Variants in GSE1 observed in about 807,000 individuals in gnomAD.
GSE1 encodes genetic suppressor element 1.
GSE1 carries 32 observed loss-of-function variants against 112.6 expected under a neutral mutation model. The observed-to-expected ratio is 0.28, with a 90% CI of 0.21 to 0.38. The LOEUF is 0.38. Among genes scored for constraint, GSE1 ranks in the 10% least tolerant of loss-of-function variants. GSE1 has a pLI of 1.00. For synonymous variants in GSE1, 1,115 were observed against 735.6 expected (o/e 1.52, Z -8.35); for missense variants, 2,348 against 1,699.2 (o/e 1.38, Z -6.71).
At position 85,331,394 on chromosome 16, in the gene GSE1, T is replaced by C. The variant is rs150341155; in HGVS notation, c.2284-26069T>C. On this transcript the variant is annotated intron_variant, in intron 1 of 2. Coordinates refer to the GSE1 transcript ENST00000637419. ...ATATGTATATATATGTATATATATG[T>C]GTATATATGTATATATATGCGTATA... is the stretch of plus-strand genomic sequence containing the variant. 4.1e-3 allele frequency among the ~76,000 whole-genome samples: 396 copies of C among 95,642 alleles called. 22 individuals are homozygous for C. The highest frequency in any genetic ancestry group is 7.4e-3 in the Non-Finnish European group (299 of 40,290). 62.7% of individuals were successfully genotyped at this position (95,642 alleles called of 152,430 possible).
intron 2 of GSE1, among the ~76,000 whole-genome samples, chr16:85,418,989 G>C (rs780290957): frequency 2.0e-5 from 3 of 152,160 alleles, no homozygotes; most frequent in Non-Finnish European, 4.4e-5. Context: ...AGGCGCTGGA[G>C]CTCCGTCCTG....
intron 7 of GSE1, among the ~76,000 whole-genome samples, chr16:85,656,937 C>T (rs1008836553): frequency 2.0e-5 from 3 of 152,234 alleles, no homozygotes; most frequent in Non-Finnish European, 4.4e-5. Context: ...GATTTTATTT[C>T]TCTGTAAGTT....
intron 2 of GSE1, among the ~76,000 whole-genome samples, chr16:85,541,378 G>C (rs1325373741): frequency 1.3e-5 from 2 of 152,248 alleles, no homozygotes; most frequent in Non-Finnish European, 2.9e-5. Flanking sequence ...CGGAGCCTGG[G>C]TACCCGGAGG....
Position 85,416,004 on chromosome 16 carries a change from G to A in GSE1, c.2464+58361G>A, listed in dbSNP as rs144417327. 5.0e-3 allele frequency among the ~76,000 whole-genome samples: 754 copies of A among 152,234 alleles called. 11 individuals are homozygous for A. Among genetic ancestry groups the A allele is most frequent in the African/African-American group, 0.018 (728 of 41,528 alleles). On this transcript the variant is annotated intron_variant, in intron 2 of 2. Transcript: ENST00000637419. ...TACACTTTATTTATGGCTCACCATC[G>A]CGGCACTGTGGGCAGGAGAATGCAG...
intron 1 of GSE1, among the ~76,000 whole-genome samples, chr16:85,350,157 C>T (rs757826875): frequency 8.5e-5 from 13 of 152,158 alleles, no homozygotes; most frequent in African/African-American, 1.2e-4. Flanking sequence ...AGTAGGTACT[C>T]GGGACAAGTA....
chr16:85,425,114 G>A (rs1440932909), intron 2 of GSE1, among the ~76,000 whole-genome samples: 4 of 152,252 alleles, frequency 2.6e-5, no homozygotes, highest in Non-Finnish European at 5.9e-5. Flanking sequence ...GCGCCCTGGG[G>A]CGGGGGGTTG....
chr16:85,578,334 C>G (rs1173661730), intron 1 of GSE1, among the ~76,000 whole-genome samples: 1 of 152,212 alleles, frequency 6.6e-6, no homozygotes, highest in Non-Finnish European at 1.5e-5. Flanking sequence ...GTCCCGAACG[C>G]CAGGCTCCAA....
At chr16:85,377,199 CAG>C (rs1212169483) in intron 2 of GSE1, among the ~76,000 whole-genome samples, 1 of 152,194 alleles carries the variant, frequency 6.6e-6, no homozygotes, top group Non-Finnish European at 1.5e-5. Flanking sequence ...TTTCTGTCCT[CAG>C]GGGACAGAAG....
At chr16:85,395,325 G>A (rs1281113862) in intron 2 of GSE1, among the ~76,000 whole-genome samples, 2 of 152,200 alleles carry the variant, frequency 1.3e-5, no homozygotes, top group Non-Finnish European at 2.9e-5. Flanking sequence ...TTAGAAAGGA[G>A]GGAGAAGCAG....
chr16:85,661,876 G>T, intron 9 of GSE1, 111 bp downstream of exon 9: 1 of 1,108,432 alleles, frequency 9.0e-7, no homozygotes, highest in East Asian at 2.6e-5. Context: ...TTTTGCCTGG[G>T]GTAGTCCCAG....
intron 1 of GSE1, among the ~76,000 whole-genome samples, chr16:85,588,828 G>A (rs1040856518): frequency 5.9e-5 from 9 of 152,128 alleles, no homozygotes; most frequent in African/African-American, 2.2e-4. Context: ...AAGCACCCGA[G>A]GCCTGCTGCC....
At position 85,254,958 on chromosome 16, in the gene GSE1, C is replaced by A. The variant is rs1409395280; in HGVS notation, c.2283+83151C>A. ...TGCGCTCATAAACACTGTTCTGTGT[C>A]CCCCGGTGATCCCCAGGCTGGGGAG... On this transcript the variant is annotated intron_variant, in intron 1 of 2. Transcript: ENST00000637419. Among the ~76,000 whole-genome samples, 4 of 152,310 alleles carry A rather than the reference C, an allele frequency of 2.6e-5. No homozygotes were observed. The South Asian group carries it at 8.3e-4, about 32-fold the overall frequency.
intron 1 of GSE1, among the ~76,000 whole-genome samples, chr16:85,231,493 C>T (rs975873763): frequency 5.3e-5 from 8 of 151,688 alleles, no homozygotes; most frequent in Admixed American, 1.3e-4. Context: ...GATGGATGGA[C>T]GGAGGGATGG....
At chr16:85,437,285 G>C (rs1258804649) in intron 2 of GSE1, among the ~76,000 whole-genome samples, 1 of 152,158 alleles carries the variant, frequency 6.6e-6, no homozygotes, top group African/African-American at 2.4e-5. Context: ...ACCCCCAAAA[G>C]AAGTGGGGGA....
At chr16:85,565,650 A>G (rs987115933) in intron 1 of GSE1, among the ~76,000 whole-genome samples, 47 of 152,194 alleles carry the variant, frequency 3.1e-4, no homozygotes, top group African/African-American at 1.1e-3. Context: ...CTGCATGTTC[A>G]TGAGCCCTCC....
intron 1 of GSE1, among the ~76,000 whole-genome samples, chr16:85,324,393 G>A (rs1262480612): frequency 1.3e-5 from 2 of 151,656 alleles, no homozygotes; most frequent in East Asian, 1.9e-4. Context: ...GCCTGTAATC[G>A]CAGCTACTTG....
At chr16:85,244,219 T>C (rs1905401505) in intron 1 of GSE1, among the ~76,000 whole-genome samples, 1 of 152,162 alleles carries the variant, frequency 6.6e-6, no homozygotes, top group South Asian at 2.1e-4. Flanking sequence ...AATCACAGCG[T>C]CCTTGTAAGT....
At position 85,672,850 on chromosome 16, in the gene GSE1, C is replaced by CTA. The variant is rs1327782649; in HGVS notation, c.*312_*313dup. 1 of 199,550 alleles carries CTA rather than the reference C, an allele frequency of 5.0e-6. No individual in the cohort carries two copies. The highest frequency in any genetic ancestry group is 1.0e-5 in the Non-Finnish European group (1 of 97,216). The allele number at this position is 199,550 out of a possible 1,614,324, so 12.4% of individuals were successfully genotyped here. ...GAACATGAAGGCTCCATTAGCAACA[C>CTA]TAAAACTTGATCATTAACAGCCCCC... is the stretch of plus-strand genomic sequence containing the variant. On this transcript the variant is annotated 3_prime_UTR_variant, in exon 16 of 16. Transcript: ENST00000253458.
chr16:85,437,710 T>A (rs2049283250), intron 2 of GSE1, among the ~76,000 whole-genome samples: 1 of 152,170 alleles, frequency 6.6e-6, no homozygotes, highest in African/African-American at 2.4e-5. Context: ...AAAGTCAATC[T>A]GCCTCCTAGT....
Sources: gnomAD v4.1 joint callset for allele counts (sites outside exome capture counted in the v4.1 genomes callset) on GRCh38, gnomAD v4.1.1 for gene constraint, MANE v1.5 for transcripts, NCBI Gene and HGNC (gene_info 2026-07-23, HGNC 2026-07-21) for gene names.